Variants in SYCE1 observed in about 807,000 individuals in gnomAD.
SYCE1 encodes the protein synaptonemal complex central element protein 1.
A neutral mutation model predicts 55.1 loss-of-function variants in SYCE1; 37 were observed. The ratio of observed to expected loss-of-function variants is 0.67; its 90% confidence interval spans 0.52 to 0.88. The LOEUF (loss-of-function observed/expected upper bound fraction) is 0.88. Ranked by LOEUF, SYCE1 falls within the 40% of genes least tolerant of loss-of-function variation. SYCE1 has a pLI of 0.00. For missense variants in SYCE1, 399 were observed against 416.4 expected, an observed-to-expected ratio of 0.96 and a Z score of 0.36; for synonymous variants, 163 against 159.4, an observed-to-expected ratio of 1.02 and a Z score of -0.17.
upstream of SYCE1, chr10:133,568,083 C>G (rs1236328063): frequency 1.2e-5 from 8 of 692,744 alleles, no homozygotes; most frequent in East Asian, 2.0e-4. Context: ...GTCACCGAGC[C>G]CAGCCAGGCC....
At chr10:133,556,507 C>T (rs965808198) in intron 8 of SYCE1, 18 of 565,434 alleles carry the variant, frequency 3.2e-5, no homozygotes, top group East Asian at 2.1e-4. Context: ...CCTTTGTGCC[C>T]GTGATGGTCC....
At chr10:133,562,040 G>T (rs147408562) in intron 1 of SYCE1, among the ~76,000 whole-genome samples, 5 of 152,168 alleles carry the variant, frequency 3.3e-5, no homozygotes, top group Admixed American at 3.3e-4. Flanking sequence ...GAAAGAGAAA[G>T]GATTGTCACC....
chr10:133,561,916 G>T (rs189083592), intron 1 of SYCE1, among the ~76,000 whole-genome samples: 1 of 151,996 alleles, frequency 6.6e-6, no homozygotes, highest in East Asian at 1.9e-4. Context: ...GGGGTGGTGG[G>T]GGAAGAAAAA....
chr10:133,565,874 C>T (rs1851923151), upstream of SYCE1, among the ~76,000 whole-genome samples: 1 of 152,204 alleles, frequency 6.6e-6, no homozygotes. Context: ...GCATGTGTAG[C>T]GCCGAAGCTT....
chr10:133,556,337 A>C (rs1252972187), intron 8 of SYCE1: 2 of 553,220 alleles, frequency 3.6e-6, no homozygotes, highest in Non-Finnish European at 6.4e-6. Flanking sequence ...TTTCTGGAGG[A>C]TCAGGTACCG....
chr10:133,565,605 A>T, upstream of SYCE1: 1 of 1,446,462 alleles, frequency 6.9e-7, no homozygotes, highest in Non-Finnish European at 9.4e-7. Flanking sequence ...CGCTGGGGGC[A>T]GGACTCCAGG....
chr10:133,559,886 GA>G, intron 2 of SYCE1: 1 of 569,428 alleles, frequency 1.8e-6, no homozygotes, highest in South Asian at 2.1e-5. Flanking sequence ...AGGGTTTTGG[GA>G]AAACATTTTG....
chr10:133,568,044 G>A (rs1364524600), upstream of SYCE1: 6 of 624,942 alleles, frequency 9.6e-6, no homozygotes, highest in Admixed American at 2.2e-5. Flanking sequence ...AGGATCCTGG[G>A]GGACGGTGCG....
At chr10:133,558,673 A>T in intron 4 of SYCE1, 1 of 582,238 alleles carries the variant, frequency 1.7e-6, no homozygotes, top group Non-Finnish European at 3.0e-6. Context: ...AGCGTCTGGC[A>T]AAAGCCCTGA....
chr10:133,558,408 G>A (rs1470826069), intron 4 of SYCE1, 194 bp from the exon 5 acceptor site: 9 of 634,676 alleles, frequency 1.4e-5, no homozygotes, highest in Non-Finnish European at 2.5e-5. Context: ...CATTTACAGA[G>A]GGTGGCTGTG....
intron 2 of SYCE1, chr10:133,559,690 A>G (rs995667283): frequency 1.0e-4 from 43 of 417,230 alleles, no homozygotes; most frequent in Non-Finnish European, 1.2e-4. Context: ...CCCTGCAGCA[A>G]TTTGGGTGGG....
upstream of SYCE1, chr10:133,568,097 G>T: frequency 1.4e-6 from 1 of 716,382 alleles, no homozygotes; most frequent in South Asian, 1.5e-5. Context: ...CCAGGCCTAG[G>T]GCCGCAGCAG....
rs188417180 is a variant in SYCE1 at position 133,557,019 on chromosome 10, C to T, written c.464+48G>A. On this transcript the variant is annotated intron_variant, in intron 7 of 12. Transcript: ENST00000343131. ...CTAACCCCCATCTTTGACATTATAT[C>T]CCAACTACTGGCCATCCAAACCCCC... 8.9e-6 allele frequency: 14 copies of T among 1,574,090 alleles called. No individual in the cohort carries two copies. The East Asian group carries it at 2.5e-4, about 28-fold the overall frequency.
downstream of SYCE1, chr10:133,554,215 C>G (rs1851592416): frequency 2.1e-6 from 3 of 1,409,246 alleles, no homozygotes; most frequent in African/African-American, 2.8e-5. Flanking sequence ...CTGTCCTGGA[C>G]TGACTGAAGA....
In SYCE1 at chr10:133,555,529, G is replaced by A. The variant is rs1217373600; in HGVS notation, c.830+68C>T. ...TTCAAGAGTCAGAGAGACAGAAGGT[G>A]GAGAGAGGAGATACAACATCAGTCA... On this transcript the variant is annotated intron_variant, in intron 11 of 12. Transcript: ENST00000343131. 1.9e-6 allele frequency: 3 copies of A among 1,606,734 alleles called. No homozygotes were observed. In the African/African-American group the frequency reaches 4.0e-5, roughly 21 times the overall value.
At chr10:133,564,237 G>A (rs1397209733) in intron 1 of SYCE1, among the ~76,000 whole-genome samples, 3 of 152,084 alleles carry the variant, frequency 2.0e-5, no homozygotes, top group African/African-American at 4.8e-5. Flanking sequence ...CCCAACATGA[G>A]GACACAATGA....
chr10:133,560,542 A>G (rs1851794841), intron 1 of SYCE1: 2 of 158,622 alleles, frequency 1.3e-5, no homozygotes, highest in African/African-American at 2.4e-5. Context: ...CTACAAAACC[A>G]TAAGGATTAG....
chr10:133,566,049 G>A (rs1019794489), upstream of SYCE1, among the ~76,000 whole-genome samples: 3 of 152,236 alleles, frequency 2.0e-5, no homozygotes, highest in Non-Finnish European at 4.4e-5. Flanking sequence ...TCCTGCGCGC[G>A]CAGAGGAGCG....
In SYCE1 at chr10:133,554,857, G is replaced by A. The variant is rs1183508672; in HGVS notation, c.*135C>T. On this transcript the variant is annotated 3_prime_UTR_variant, in exon 13 of 13. Coordinates refer to ENST00000343131, the MANE Select transcript of SYCE1 (RefSeq NM_001143764.3). ...GCAATCCAGAGACCAGGAGGTTAAG[G>A]AAGCATTTATTGAAAACCTGTGATG... 4 of 1,450,810 alleles carry A rather than the reference G, an allele frequency of 2.8e-6. No homozygotes were observed. Among genetic ancestry groups the A allele is most frequent in the African/African-American group, 2.9e-5 (2 of 69,992 alleles). 89.9% of individuals were successfully genotyped at this position (1,450,810 alleles called of 1,614,324 possible).
Sources: allele counts gnomAD v4.1 joint callset (sites outside exome capture counted in the v4.1 genomes callset), GRCh38; gene constraint gnomAD v4.1.1; transcripts MANE v1.5; gene names NCBI Gene and HGNC (gene_info 2026-07-23, HGNC 2026-07-21).